The following GFOD1 variants were observed in gnomAD, a reference collection of about 807,000 sequenced individuals.
GFOD1 encodes the protein glucose-fructose oxidoreductase domain-containing protein 1.
A neutral mutation model predicts 25.4 loss-of-function variants in GFOD1; 9 were observed. That is an observed-to-expected ratio of 0.35 (90% confidence interval 0.21 to 0.62). The LOEUF is 0.62. Ranked by LOEUF, GFOD1 falls within the 20% of genes least tolerant of loss-of-function variation. The pLI is 0.72. For missense variants in GFOD1, 403 were observed against 556.9 expected, an observed-to-expected ratio of 0.72 and a Z score of 2.78; for synonymous variants, 253 against 245.6, an observed-to-expected ratio of 1.03 and a Z score of -0.28.
intron 1 of GFOD1, among the ~76,000 whole-genome samples, chr6:13,394,289 A>G (rs1219641782): frequency 6.6e-6 from 1 of 152,148 alleles, no homozygotes; most frequent in East Asian, 1.9e-4. Flanking sequence ...AAGAATGTGC[A>G]TGGTATACTA....
chr6:13,411,411 C>T (rs1786075436), intron 1 of GFOD1, among the ~76,000 whole-genome samples: 1 of 152,186 alleles, frequency 6.6e-6, no homozygotes, highest in African/African-American at 2.4e-5. Flanking sequence ...CCTGCCTCAG[C>T]CTCCCGAGTA....
chr6:13,372,751 A>T (rs1785175715), intron 1 of GFOD1, among the ~76,000 whole-genome samples: 1 of 152,192 alleles, frequency 6.6e-6, no homozygotes. Context: ...ATCAGCCTGG[A>T]ACCTCAAGCA....
At chr6:13,391,261 A>C (rs1697681297) in intron 1 of GFOD1, among the ~76,000 whole-genome samples, 1 of 152,220 alleles carries the variant, frequency 6.6e-6, no homozygotes, top group Non-Finnish European at 1.5e-5. Context: ...CTAGCTACCA[A>C]AACAGCTATA....
At chr6:13,434,533 G>A (rs1274359912) in intron 1 of GFOD1, among the ~76,000 whole-genome samples, 1 of 152,092 alleles carries the variant, frequency 6.6e-6, no homozygotes, top group East Asian at 1.9e-4. Context: ...GAAGTCAAGT[G>A]CAGGGCATTA....
At chr6:13,391,988 C>T (rs2127561439) in intron 1 of GFOD1, among the ~76,000 whole-genome samples, 1 of 152,280 alleles carries the variant, frequency 6.6e-6, no homozygotes, top group Middle Eastern at 3.4e-3. Flanking sequence ...TAGCAGGGAA[C>T]TACTCAAGGT....
chr6:13,390,941 C>G (rs982179806), intron 1 of GFOD1, among the ~76,000 whole-genome samples: 1 of 152,270 alleles, frequency 6.6e-6, no homozygotes, highest in Admixed American at 6.5e-5. Context: ...ACTAGCTCAG[C>G]GGTTTTTAAC....
intron 1 of GFOD1, among the ~76,000 whole-genome samples, chr6:13,401,651 A>G (rs927460645): frequency 6.6e-6 from 1 of 152,224 alleles, no homozygotes; most frequent in Non-Finnish European, 1.5e-5. Flanking sequence ...AAAATTAAAA[A>G]ATCTATTTGA....
chr6:13,396,849 T>C (rs2127562487), intron 1 of GFOD1, among the ~76,000 whole-genome samples: 1 of 152,330 alleles, frequency 6.6e-6, no homozygotes, highest in Non-Finnish European at 1.5e-5. Context: ...AATTTAGACT[T>C]TCTACCTCTA....
intron 1 of GFOD1, among the ~76,000 whole-genome samples, chr6:13,411,373 C>A (rs941586160): frequency 5.9e-5 from 9 of 152,152 alleles, no homozygotes; most frequent in African/African-American, 2.2e-4. Context: ...CTCACAGCAA[C>A]CTTTACCTCC....
intron 1 of GFOD1, among the ~76,000 whole-genome samples, chr6:13,393,281 G>A (rs540810285): frequency 6.1e-5 from 9 of 147,510 alleles, no homozygotes; most frequent in South Asian, 2.2e-4. Flanking sequence ...ACTTGAACCC[G>A]AGAGGCAGAG....
intron 1 of GFOD1, among the ~76,000 whole-genome samples, chr6:13,410,228 C>CCT (rs1491155158): frequency 6.6e-6 from 1 of 152,000 alleles, no homozygotes; most frequent in East Asian, 1.9e-4. Context: ...CTGGCTTGCT[C>CCT]CTGTGTTTGG....
intron 1 of GFOD1, among the ~76,000 whole-genome samples, chr6:13,474,445 G>A (rs563844248): frequency 6.6e-6 from 1 of 152,206 alleles, no homozygotes; most frequent in Admixed American, 6.5e-5. Context: ...AGTGCCTTTT[G>A]TAGACTGGCA....
rs974414885 is a variant in GFOD1 at position 13,359,259 on chromosome 6, C to G, written c.*5484G>C. ...ACATAATAACGCTCCAGCTGCACAC[C>G]CCTTTTCTTCCACGGCCCTCCTCTT... On this transcript the variant is annotated 3_prime_UTR_variant, in exon 2 of 2. Transcript: ENST00000379287. 5 of 152,240 alleles carry G rather than the reference C, an allele frequency of 3.3e-5. No homozygotes were observed. Among genetic ancestry groups the G allele is most frequent in the Admixed American group, 1.3e-4 (2 of 15,286 alleles). The allele number at this position is 152,240 out of a possible 1,614,324, so 9.4% of individuals were successfully genotyped here.
At chr6:13,387,208 G>A (rs1470711842) in intron 1 of GFOD1, among the ~76,000 whole-genome samples, 1 of 152,166 alleles carries the variant, frequency 6.6e-6, no homozygotes, top group Non-Finnish European at 1.5e-5. Flanking sequence ...GTTTACATGA[G>A]CATCCAAGCA....
intron 1 of GFOD1, among the ~76,000 whole-genome samples, chr6:13,388,504 C>A (rs1584620307): frequency 6.6e-6 from 1 of 152,152 alleles, no homozygotes; most frequent in Non-Finnish European, 1.5e-5. Context: ...CAAAAACAAG[C>A]AATGGGGAAA....
intron 1 of GFOD1, among the ~76,000 whole-genome samples, chr6:13,453,652 A>C (rs906638378): frequency 2.6e-5 from 4 of 152,252 alleles, no homozygotes; most frequent in African/African-American, 9.6e-5. Context: ...GAAGTGACAG[A>C]AGCAACTTAG....
At chr6:13,414,909 A>C (rs372335556) in intron 1 of GFOD1, among the ~76,000 whole-genome samples, 6 of 152,318 alleles carry the variant, frequency 3.9e-5, no homozygotes, top group East Asian at 3.9e-4. Flanking sequence ...ACTCAAAGTA[A>C]AGGCCATTGT....
At chr6:13,454,609 C>T (rs2841563) in intron 1 of GFOD1, among the ~76,000 whole-genome samples, 66,625 of 152,074 alleles carry the variant, frequency 0.44, 17,292 homozygotes, top group Middle Eastern at 0.63. Flanking sequence ...CCATGCTACC[C>T]GCCAGCTCCT....
intron 1 of GFOD1, among the ~76,000 whole-genome samples, chr6:13,371,897 A>AG (rs1474437333): frequency 2.0e-5 from 3 of 152,146 alleles, no homozygotes; most frequent in African/African-American, 7.2e-5. Context: ...GGGTTGCCGC[A>AG]TCTGTCAATG....
Sources: allele counts gnomAD v4.1 joint callset (sites outside exome capture counted in the v4.1 genomes callset), GRCh38; gene constraint gnomAD v4.1.1; transcripts MANE v1.5; gene names NCBI Gene and HGNC (gene_info 2026-07-23, HGNC 2026-07-21).